Variants in ROCK1 observed in about 807,000 individuals in gnomAD.
ROCK1 encodes the protein rho-associated protein kinase 1.
In ROCK1, 36 loss-of-function variants were observed where a neutral mutation model predicts 196.8. The ratio of observed to expected loss-of-function variants is 0.18; its 90% CI spans 0.14 to 0.24. The LOEUF (loss-of-function observed/expected upper bound fraction) is 0.24. ROCK1 is among the 10% of genes least tolerant of loss of function. ROCK1 has a pLI of 1.00. For synonymous variants in ROCK1, 443 were observed against 515.9 expected, an observed-to-expected ratio of 0.86 and a Z score of 1.91; for missense variants, 920 against 1,562.0, an observed-to-expected ratio of 0.59 and a Z score of 6.93.
intron 27 of ROCK1, among the ~76,000 whole-genome samples, chr18:20,966,504 T>C (rs1188616383): frequency 6.6e-6 from 1 of 152,208 alleles, no homozygotes; most frequent in Non-Finnish European, 1.5e-5. Context: ...GTAGCTGCTG[T>C]GGTTCTGATG....
At chr18:21,050,084 T>C (rs2036191910) in intron 2 of ROCK1, among the ~76,000 whole-genome samples, 1 of 152,180 alleles carries the variant, frequency 6.6e-6, no homozygotes, top group Non-Finnish European at 1.5e-5. Context: ...CCAGAATAAC[T>C]TCATTACAAC....
chr18:20,986,955 C>T lies in ROCK1; in HGVS notation c.2299G>A (p.Asp767Asn). 6.3e-7 allele frequency: 1 copy of T among 1,593,078 alleles called. No individual in the cohort carries two copies. The highest frequency in any genetic ancestry group is 1.2e-5 in the South Asian group (1 of 85,632). Residue 767 changes from aspartate (D) to asparagine (N), a missense_variant, in exon 19 of 33, where the codon GAT (aspartate) becomes AAT (asparagine). Around this residue, in one of 6 missense-constraint regions of ROCK1, gnomAD observed 520 missense variants for 657.1 expected, o/e 0.79. Coordinates refer to ENST00000399799, the MANE Select transcript of ROCK1 (RefSeq NM_005406.3). ...HLTGNKERME[D>N]EVKNLTLQLE... ...GTCAGTACTATTTTTCTTACTTCAT[C>T]CTCCATCCTTTCTTTATTTCCAGTC...
chr18:20,957,859 C>T (rs1342419219), intron 29 of ROCK1, among the ~76,000 whole-genome samples: 1 of 151,876 alleles, frequency 6.6e-6, no homozygotes, highest in Non-Finnish European at 1.5e-5. Flanking sequence ...CTATGTTGCC[C>T]AGGCTGGTCT....
chr18:20,976,761 T>C lies in ROCK1; in HGVS notation c.2654+3149A>G, dbSNP rs184576961. ...TGCATTCTAAAGCAATAAGCCCAAA[T>C]ACAGTGGTATCCATTTCTGTTTGGA... On this transcript the variant is annotated intron_variant, in intron 22 of 32. Transcript: ENST00000399799. Among the ~76,000 whole-genome samples the C allele has an allele frequency of 5.1e-4, 77 of 152,286 alleles. 1 individual carries two copies. Among genetic ancestry groups the C allele is most frequent in the African/African-American group, 1.8e-3 (75 of 41,566 alleles).
chr18:21,060,446 G>A (rs2036278803), intron 2 of ROCK1, among the ~76,000 whole-genome samples: 1 of 152,210 alleles, frequency 6.6e-6, no homozygotes, highest in South Asian at 2.1e-4. Context: ...AGCCACTTTG[G>A]AAGACAGTTT....
At chr18:20,957,945 C>G (rs1598506551) in intron 29 of ROCK1, among the ~76,000 whole-genome samples, 1 of 152,150 alleles carries the variant, frequency 6.6e-6, no homozygotes, top group East Asian at 1.9e-4. Flanking sequence ...CTGTGCCCAG[C>G]CACAAGTGAG....
intron 20 of ROCK1, 107 bp from the exon 21 acceptor site, chr18:20,982,939 T>C: frequency 1.8e-6 from 1 of 560,532 alleles, no homozygotes; most frequent in Non-Finnish European, 3.2e-6. Flanking sequence ...ACTAAAACAA[T>C]CTTTATTTTT....
chr18:20,968,934 T>C (rs371507529), intron 24 of ROCK1, 74 bp from the exon 25 acceptor site: 4 of 1,052,716 alleles, frequency 3.8e-6, no homozygotes, highest in Admixed American at 3.6e-5. Context: ...ACAATGTCTT[T>C]AATTATTCAA....
intron 18 of ROCK1, among the ~76,000 whole-genome samples, chr18:20,990,321 G>A (rs1598519691): frequency 6.6e-6 from 1 of 151,866 alleles, no homozygotes; most frequent in African/African-American, 2.4e-5. Context: ...CAAGGAAAGG[G>A]CTACTAAAAA....
Position 20,966,981 on chromosome 18 carries a change from G to A in ROCK1, c.3288C>T (p.Asp1096=), listed in dbSNP as rs757035057. 3 of 1,613,538 alleles carry A rather than the reference G, an allele frequency of 1.9e-6. No homozygotes were observed. The highest frequency in any genetic ancestry group is 2.2e-5 in the East Asian group (1 of 44,846). The change falls in exon 27 of 33, where the codon GAC becomes GAT. Residue 1096 remains aspartate, a synonymous_variant. Transcript: ENST00000399799. Reference sequence around the variant, plus strand: ...TAGCAACACTTGTAGAATCCGAGAGGTCCAAAAGTTTAGCACGCAATTGCT... The same window carrying A: ...TAGCAACACTTGTAGAATCCGAGAGATCCAAAAGTTTAGCACGCAATTGCT... ...DIEQLRAKLL[D]LSDSTSVASF...
chr18:20,995,083 G>T (rs1329852152), intron 16 of ROCK1, among the ~76,000 whole-genome samples: 1 of 152,124 alleles, frequency 6.6e-6, no homozygotes, highest in African/African-American at 2.4e-5. Flanking sequence ...AAGCAGCACT[G>T]AAGAGTGAAA....
At chr18:20,958,062 T>C (rs1289517346) in intron 29 of ROCK1, among the ~76,000 whole-genome samples, 4 of 152,182 alleles carry the variant, frequency 2.6e-5, no homozygotes, top group African/African-American at 9.6e-5. Context: ...ATGAACTTTA[T>C]TGTGGGAAAT....
At chr18:21,060,042 A>T (rs529538173) in intron 2 of ROCK1, among the ~76,000 whole-genome samples, 92 of 152,344 alleles carry the variant, frequency 6.0e-4, no homozygotes, top group Middle Eastern at 6.8e-3. Flanking sequence ...CCTGGAGAGA[A>T]ATGGAGACTG....
chr18:21,084,371 AT>A (rs1568405469), intron 1 of ROCK1, among the ~76,000 whole-genome samples: 1 of 152,178 alleles, frequency 6.6e-6, no homozygotes. Flanking sequence ...CAAATAATAT[AT>A]CTGATAAGAG....
intron 27 of ROCK1, among the ~76,000 whole-genome samples, chr18:20,962,979 G>A (rs894602211): frequency 6.6e-6 from 1 of 151,694 alleles, no homozygotes; most frequent in Non-Finnish European, 1.5e-5. Flanking sequence ...CTCTAAAATC[G>A]GGACCACCTG....
intron 1 of ROCK1, among the ~76,000 whole-genome samples, chr18:21,108,795 A>C (rs2036724919): frequency 6.6e-6 from 1 of 152,196 alleles, no homozygotes; most frequent in Non-Finnish European, 1.5e-5. Context: ...TTCCCATGCT[A>C]ACCCATCTTC....
chr18:21,012,871 G>T (rs370447523), intron 13 of ROCK1, among the ~76,000 whole-genome samples: 8 of 151,934 alleles, frequency 5.3e-5, no homozygotes, highest in African/African-American at 1.9e-4. Context: ...ATTTTTCTTT[G>T]TTGAAGGTCT....
chr18:21,023,535 A>G (rs2143468821), intron 11 of ROCK1, 85 bp downstream of exon 11: 1 of 665,172 alleles, frequency 1.5e-6, no homozygotes, highest in Non-Finnish European at 2.4e-6. Context: ...CACAAACAAT[A>G]TATAAATTTA....
intron 10 of ROCK1, among the ~76,000 whole-genome samples, chr18:21,025,965 T>C (rs541808399): frequency 3.3e-5 from 5 of 152,272 alleles, no homozygotes; most frequent in African/African-American, 9.6e-5. Context: ...CATGATAATG[T>C]AGGACAAATA....
Sources: gnomAD v4.1 joint callset for allele counts (sites outside exome capture counted in the v4.1 genomes callset) on GRCh38, gnomAD v4.1.1 for gene constraint, gnomAD v4.1.1 regional missense constraint, MANE v1.5 for transcripts, NCBI Gene and HGNC (gene_info 2026-07-23, HGNC 2026-07-21) for gene names.